The following EXOC4 variants were observed in gnomAD, a reference collection of about 807,000 sequenced individuals.
The protein encoded by EXOC4 is exocyst complex component 4.
A neutral mutation model predicts 107.2 loss-of-function variants in EXOC4; 71 were observed. The ratio of observed to expected loss-of-function variants is 0.66; its 90% CI spans 0.55 to 0.81. The LOEUF is 0.81. Ranked by LOEUF, EXOC4 falls within the 30% of genes least tolerant of loss-of-function variation. The pLI is 0.00. For synonymous variants in EXOC4, 456 were observed against 441.2 expected, an observed-to-expected ratio of 1.03 and a Z score of -0.42; for missense variants, 1,108 against 1,189.6, an observed-to-expected ratio of 0.93 and a Z score of 1.01.
At chr7:133,796,249 A>C (rs564092975) in intron 10 of EXOC4, among the ~76,000 whole-genome samples, 2 of 152,294 alleles carry the variant, frequency 1.3e-5, no homozygotes, top group South Asian at 4.1e-4. Flanking sequence ...TTCTATCCCA[A>C]GGTGACATCA....
rs1794178535 is a variant in EXOC4 at position 133,988,755 on chromosome 7, A to G, written c.2207-8737A>G. Among the ~76,000 whole-genome samples the G allele has an allele frequency of 2.0e-5, 3 of 152,192 alleles. No homozygotes were observed. The South Asian group carries it at 6.2e-4, about 32-fold the overall frequency. On this transcript the variant is annotated intron_variant, in intron 14 of 17. Transcript: ENST00000253861. ...GATATGTTTAGGAAATTTGCTTTAG[A>G]CAGGTGGTAAATCAAACGGCCCAGG...
intron 5 of EXOC4, among the ~76,000 whole-genome samples, chr7:133,327,132 A>G (rs1001734654): frequency 3.9e-5 from 6 of 152,160 alleles, no homozygotes; most frequent in Non-Finnish European, 5.9e-5. Context: ...TAGGAAAGGG[A>G]ATTCTCTGAC....
At chr7:134,086,460 T>C in the EXOC4 span, among the ~76,000 whole-genome samples, 1 of 152,162 alleles carries the variant, frequency 6.6e-6, no homozygotes, top group African/African-American at 2.4e-5. Context: ...ACATAATTTC[T>C]TTTCCTTTCT....
At chr7:133,514,379 G>T (rs1799833003) in intron 9 of EXOC4, among the ~76,000 whole-genome samples, 1 of 152,092 alleles carries the variant, frequency 6.6e-6, no homozygotes, top group East Asian at 1.9e-4. Context: ...AGCCAGCATT[G>T]TCTCAATCTG....
At chr7:133,476,469 T>A (rs1248108612) in intron 8 of EXOC4, among the ~76,000 whole-genome samples, 1 of 152,194 alleles carries the variant, frequency 6.6e-6, no homozygotes, top group Non-Finnish European at 1.5e-5. Context: ...AGTATCCCAG[T>A]ATATTGAATT....
chr7:133,558,944 C>T (rs932739121), intron 9 of EXOC4, among the ~76,000 whole-genome samples: 7 of 152,168 alleles, frequency 4.6e-5, no homozygotes, highest in African/African-American at 1.7e-4. Flanking sequence ...GGAGAAATTT[C>T]CTGCCTTTTA....
chr7:133,334,880 A>C (rs1795476073), intron 5 of EXOC4, among the ~76,000 whole-genome samples: 1 of 152,166 alleles, frequency 6.6e-6, no homozygotes, highest in Admixed American at 6.5e-5. Flanking sequence ...AGCTCCATCC[A>C]TGTCCCTGCA....
At chr7:133,623,452 C>T (rs1802379859) in intron 9 of EXOC4, among the ~76,000 whole-genome samples, 1 of 152,156 alleles carries the variant, frequency 6.6e-6, no homozygotes, top group Non-Finnish European at 1.5e-5. Context: ...GACATTCTTT[C>T]TCGTTTTTTG....
chr7:133,262,857 G>A (rs1466177449), intron 1 of EXOC4, among the ~76,000 whole-genome samples: 1 of 133,726 alleles, frequency 7.5e-6, no homozygotes, highest in Non-Finnish European at 1.6e-5. Flanking sequence ...GTTTGGCTGT[G>A]TCCTCACCCA....
intron 7 of EXOC4, among the ~76,000 whole-genome samples, chr7:133,472,828 A>C (rs1211815028): frequency 6.6e-6 from 1 of 152,164 alleles, no homozygotes; most frequent in Non-Finnish European, 1.5e-5. Context: ...GAGAGGTAAC[A>C]ATTAAGGGGA....
In EXOC4 at chr7:134,024,366, G is replaced by A. The variant is rs1585330265; in HGVS notation, c.2687+16531G>A. ...CTCAGGAGGCTGAGGCAGGAGAATG[G>A]TGTGAACCCGGGAGGTGGAGCTTCC... On this transcript the variant is annotated intron_variant, in intron 17 of 17. Coordinates refer to ENST00000253861, the MANE Select transcript of EXOC4 (RefSeq NM_021807.4). Among the ~76,000 whole-genome samples the A allele has an allele frequency of 1.3e-5, 2 of 152,042 alleles. 1 individual carries two copies. Among genetic ancestry groups the A allele is most frequent in the Middle Eastern group, 6.8e-3 (2 of 294 alleles).
At chr7:133,871,907 T>G (rs1449927339) in intron 11 of EXOC4, among the ~76,000 whole-genome samples, 1 of 152,240 alleles carries the variant, frequency 6.6e-6, no homozygotes, top group Non-Finnish European at 1.5e-5. Flanking sequence ...AATGGGTGGC[T>G]TATAGTAAGC....
chr7:133,973,956 A>G (rs1481781652), intron 14 of EXOC4, among the ~76,000 whole-genome samples: 2 of 152,282 alleles, frequency 1.3e-5, no homozygotes, highest in East Asian at 3.9e-4. Context: ...AAGGCAAGAG[A>G]AAAAGGGACG....
intron 10 of EXOC4, among the ~76,000 whole-genome samples, chr7:133,680,892 T>C (rs1794172558): frequency 6.6e-6 from 1 of 152,194 alleles, no homozygotes; most frequent in African/African-American, 2.4e-5. Flanking sequence ...TTTAAACCTT[T>C]TAGTTGAGCT....
At chr7:133,819,504 C>CATGGATGGATGGATGGATGG (rs59990439) in intron 11 of EXOC4, among the ~76,000 whole-genome samples, 1 of 151,502 alleles carries the variant, frequency 6.6e-6, no homozygotes, top group Non-Finnish European at 1.5e-5. Flanking sequence ...ATGCATGTTG[C>CATGGATGGATGGATGGATGG]ATGGATGGAT....
chr7:133,442,530 G>T (rs1404242777), intron 7 of EXOC4, among the ~76,000 whole-genome samples: 1 of 152,166 alleles, frequency 6.6e-6, no homozygotes, highest in Non-Finnish European at 1.5e-5. Flanking sequence ...ACACCCTCGA[G>T]GCATGAAGTG....
At chr7:133,470,235 AAAAAAAACCTC>A (rs1584942375) in intron 7 of EXOC4, among the ~76,000 whole-genome samples, 1 of 151,970 alleles carries the variant, frequency 6.6e-6, no homozygotes, top group East Asian at 1.9e-4. Flanking sequence ...ATATTTATTT[AAAAAAAACCTC>A]TGCATGTATA....
At chr7:133,431,511 A>G (rs1797856432) in intron 7 of EXOC4, among the ~76,000 whole-genome samples, 2 of 152,196 alleles carry the variant, frequency 1.3e-5, no homozygotes, top group South Asian at 4.1e-4. Context: ...TGAAAGTGAG[A>G]CAGGTTAGTA....
chr7:133,831,829 A>G (rs1350872298), intron 11 of EXOC4, among the ~76,000 whole-genome samples: 1 of 152,190 alleles, frequency 6.6e-6, no homozygotes, highest in Non-Finnish European at 1.5e-5. Context: ...ATATCCGTAT[A>G]TATTTCTATA....
Sources: allele counts gnomAD v4.1 joint callset (sites outside exome capture counted in the v4.1 genomes callset), GRCh38; gene constraint gnomAD v4.1.1; transcripts MANE v1.5; gene names NCBI Gene and HGNC (gene_info 2026-07-23, HGNC 2026-07-21).